PDS5B: variants seen among roughly 807,000 people sequenced by gnomAD.
PDS5B encodes PDS5 cohesin associated factor B.
A neutral mutation model predicts 184.1 loss-of-function variants in PDS5B; 51 were observed. The observed-to-expected ratio is 0.28, with a 90% confidence interval of 0.22 to 0.35. The LOEUF (loss-of-function observed/expected upper bound fraction) is 0.35. PDS5B is among the 10% of genes least tolerant of loss of function. The pLI is 1.00. For missense variants in PDS5B, 1,180 were observed against 1,723.3 expected (o/e 0.68, Z 5.58); for synonymous variants, 566 against 569.2 (o/e 0.99, Z 0.08).
intron 1 of PDS5B, among the ~76,000 whole-genome samples, chr13:32,614,366 C>T (rs932005363): frequency 1.3e-5 from 2 of 150,162 alleles, no homozygotes; most frequent in African/African-American, 2.5e-5. Context: ...GGTGTGATCT[C>T]AGCTCACTGC....
At chr13:32,661,208 A>T (rs1950632750) in intron 6 of PDS5B, among the ~76,000 whole-genome samples, 2 of 151,976 alleles carry the variant, frequency 1.3e-5, no homozygotes, top group Admixed American at 1.3e-4. Context: ...ACATGGTGAA[A>T]CCCTGTCTTT....
chr13:32,606,000 A>G (rs1318051730), intron 1 of PDS5B, among the ~76,000 whole-genome samples: 1 of 151,538 alleles, frequency 6.6e-6, no homozygotes, highest in Non-Finnish European at 1.5e-5. Context: ...CAGCATACTG[A>G]TGGGTCTTGA....
At chr13:32,667,185 A>G (rs1566304221) in intron 6 of PDS5B, among the ~76,000 whole-genome samples, 1 of 152,114 alleles carries the variant, frequency 6.6e-6, no homozygotes, top group South Asian at 2.1e-4. Context: ...ATCATTATCA[A>G]AGTCTCTTAG....
chr13:32,668,876 C>T (rs1367230351), intron 7 of PDS5B, among the ~76,000 whole-genome samples: 1 of 152,110 alleles, frequency 6.6e-6, no homozygotes, highest in African/African-American at 2.4e-5. Context: ...TAAATTCCAG[C>T]TTTTGTTTCT....
intron 30 of PDS5B, among the ~76,000 whole-genome samples, chr13:32,761,415 C>T (rs1954391031): frequency 6.6e-6 from 1 of 151,958 alleles, no homozygotes; most frequent in Non-Finnish European, 1.5e-5. Flanking sequence ...GGGTATATTG[C>T]ATCCAGATAG....
rs1205144027 is a variant in PDS5B at position 32,711,721 on chromosome 13, C to G, written c.2123+1615C>G. Among the ~76,000 whole-genome samples, 5 of 152,282 alleles carry G rather than the reference C, an allele frequency of 3.3e-5. No homozygotes were observed. The East Asian group carries it at 5.8e-4, about 18-fold the overall frequency. On this transcript the variant is annotated intron_variant, in intron 19 of 34. Coordinates refer to ENST00000315596, the MANE Select transcript of PDS5B (RefSeq NM_015032.4). ...TCCCTTTGGATGGTGCTATGGCTCT[C>G]CTAGTCAGATCAGAGATGAGAGTTT...
intron 27 of PDS5B, 101 bp downstream of exon 27, chr13:32,758,320 T>G (rs1004635061): frequency 1.9e-6 from 2 of 1,078,358 alleles, no homozygotes; most frequent in African/African-American, 3.3e-5. Flanking sequence ...ATCAAATAAT[T>G]TTTTCTATTA....
intron 14 of PDS5B, among the ~76,000 whole-genome samples, chr13:32,695,648 A>G (rs1203450519): frequency 6.6e-6 from 1 of 152,048 alleles, no homozygotes; most frequent in Non-Finnish European, 1.5e-5. Context: ...TGTTAAGTGT[A>G]TAAATCATAT....
At chr13:32,767,458 C>A (rs891833916) in intron 31 of PDS5B, among the ~76,000 whole-genome samples, 1 of 152,130 alleles carries the variant, frequency 6.6e-6, no homozygotes, top group Non-Finnish European at 1.5e-5. Context: ...AATTGAAAAT[C>A]TATCCCTACC....
intron 14 of PDS5B, among the ~76,000 whole-genome samples, chr13:32,696,211 TTAAA>T (rs1403893435): frequency 6.6e-6 from 1 of 152,096 alleles, no homozygotes; most frequent in African/African-American, 2.4e-5. Context: ...GCTCAGTACT[TTAAA>T]TACACTTGCT....
intron 7 of PDS5B, 97 bp from the exon 8 acceptor site, chr13:32,673,119 G>T (rs140102663): frequency 1.9e-6 from 2 of 1,073,520 alleles, no homozygotes; most frequent in South Asian, 1.3e-5. Flanking sequence ...GTTTGACTTT[G>T]TATAAAATAA....
intron 21 of PDS5B, among the ~76,000 whole-genome samples, chr13:32,738,924 A>G (rs1177510312): frequency 6.6e-6 from 1 of 152,136 alleles, no homozygotes; most frequent in Non-Finnish European, 1.5e-5. Context: ...CACCCAGTTC[A>G]GCCTCCCAAA....
intron 1 of PDS5B, among the ~76,000 whole-genome samples, chr13:32,634,504 CT>C (rs1048799267): frequency 6.6e-6 from 1 of 151,160 alleles, no homozygotes; most frequent in Non-Finnish European, 1.5e-5. Flanking sequence ...TGGTAAAAGT[CT>C]TTGTGTGGAT....
At chr13:32,747,195 C>G (rs1953778780) in intron 24 of PDS5B, among the ~76,000 whole-genome samples, 1 of 152,174 alleles carries the variant, frequency 6.6e-6, no homozygotes, top group South Asian at 2.1e-4. Context: ...AAGGGACTTT[C>G]ACATTAGTAA....
At chr13:32,734,958 T>C (rs970040270) in intron 20 of PDS5B, among the ~76,000 whole-genome samples, 4 of 152,202 alleles carry the variant, frequency 2.6e-5, no homozygotes, top group African/African-American at 9.6e-5. Context: ...TGTTTGAACC[T>C]GATGCCTTCT....
intron 16 of PDS5B, among the ~76,000 whole-genome samples, chr13:32,700,223 T>C (rs1230809562): frequency 6.6e-6 from 1 of 152,098 alleles, no homozygotes; most frequent in African/African-American, 2.4e-5. Flanking sequence ...TTAAGAAGAA[T>C]ATAATTAATA....
At position 32,694,444 on chromosome 13, in the gene PDS5B, A is replaced by C. The variant is rs1029408941; in HGVS notation, c.1551+140A>C. On this transcript the variant is annotated intron_variant, in intron 14 of 34. Transcript: ENST00000315596. ...GAAGTTAGGATTCCTTGTTTAGAAA[A>C]CTCTGAATTTTTAAGAAACTTATTA... 22 of 639,350 alleles carry C rather than the reference A, an allele frequency of 3.4e-5. No homozygotes were observed. In the African/African-American group the frequency reaches 3.6e-4, roughly 11 times the overall value. 39.6% of individuals were successfully genotyped at this position (639,350 alleles called of 1,614,324 possible).
chr13:32,734,569 C>A (rs984447096), intron 20 of PDS5B, among the ~76,000 whole-genome samples: 1 of 152,054 alleles, frequency 6.6e-6, no homozygotes, highest in Non-Finnish European at 1.5e-5. Context: ...TTTGAATGAC[C>A]CTCTAATCAG....
At chr13:32,741,345 C>T (rs1953542370) in intron 22 of PDS5B, among the ~76,000 whole-genome samples, 197 bp downstream of exon 22, 1 of 151,968 alleles carries the variant, frequency 6.6e-6, no homozygotes. Context: ...TGCACATAAT[C>T]TAATTTGAGG....
Sources: gnomAD v4.1 joint callset for allele counts (sites outside exome capture counted in the v4.1 genomes callset) on GRCh38, gnomAD v4.1.1 for gene constraint, MANE v1.5 for transcripts, NCBI Gene and HGNC (gene_info 2026-07-23, HGNC 2026-07-21) for gene names.